Variants in VPS13C observed in about 807,000 individuals in gnomAD.
VPS13C encodes intermembrane lipid transfer protein VPS13C.
Under a neutral mutation model 456.8 loss-of-function variants are expected in VPS13C, and 358 were observed. That is an observed-to-expected ratio of 0.78 (90% confidence interval 0.72 to 0.86). The LOEUF is 0.86. Among genes scored for constraint, VPS13C ranks in the 40% least tolerant of loss-of-function variants. The probability of loss-of-function intolerance (pLI) is 0.00; values close to 1 mark genes in which losing one functional copy is unlikely to be tolerated. For missense variants in VPS13C, 4,818 were observed against 4,385.4 expected (o/e 1.10, Z -2.79); for synonymous variants, 1,578 against 1,486.7 (o/e 1.06, Z -1.41).
chr15:61,918,877 G>C (rs1031684995), intron 58 of VPS13C, among the ~76,000 whole-genome samples: 8 of 152,084 alleles, frequency 5.3e-5, no homozygotes, highest in African/African-American at 1.9e-4. Flanking sequence ...ATGTTTTTCA[G>C]AGGGATAGAT....
At chr15:61,952,054 G>A (rs1205834769) in intron 38 of VPS13C, 74 bp from the exon 39 acceptor site, 4 of 1,493,596 alleles carry the variant, frequency 2.7e-6, no homozygotes, top group Non-Finnish European at 3.6e-6. Flanking sequence ...AATTTAATAA[G>A]TATCCAGAGT....
intron 66 of VPS13C, chr15:61,906,665 A>C (rs750043006): frequency 6.5e-6 from 1 of 153,156 alleles, no homozygotes; most frequent in Admixed American, 6.5e-5. Flanking sequence ...CATGGATTTT[A>C]TTCATACAGA....
At position 61,854,523 on chromosome 15, in the gene VPS13C, C is replaced by A. The variant is rs764071837; in HGVS notation, c.11196G>T (p.Thr3732=). Residue 3732 remains threonine (T), a synonymous_variant, in exon 85 of 85, where the codon ACG becomes ACT. Transcript: ENST00000644861. ...GCTTCATCAATTTTTGCTGCTGTCT[C>A]GTTGACTGTGCATCCTCAATGGCAT... The part of the protein sequence containing the change: ...ACNAIEDAQS[T]RQQQKLMKQS... 6.2e-7 allele frequency: 1 copy of A among 1,613,954 alleles called. No individual in the cohort carries two copies. The highest frequency in any genetic ancestry group is 1.3e-5 in the African/African-American group (1 of 74,894).
intron 22 of VPS13C, among the ~76,000 whole-genome samples, chr15:61,980,248 C>T (rs2045841346): frequency 6.9e-6 from 1 of 144,756 alleles, no homozygotes; most frequent in African/African-American, 2.5e-5. Context: ...TTCCCAGTAC[C>T]ATCTTAAGGA....
chr15:61,905,761 AGCT>A (rs962645635), intron 66 of VPS13C, among the ~76,000 whole-genome samples: 7 of 152,202 alleles, frequency 4.6e-5, no homozygotes, highest in African/African-American at 1.7e-4. Flanking sequence ...ACTAATTGAT[AGCT>A]TTTTTAAAAA....
At position 61,945,886 on chromosome 15, in the gene VPS13C, A is replaced by T. The variant is rs756146732; in HGVS notation, c.4981-4T>A. 1.3e-6 allele frequency: 2 copies of T among 1,598,824 alleles called. No homozygotes were observed. The highest frequency in any genetic ancestry group is 2.2e-5 in the East Asian group (1 of 44,730). On this transcript the variant is annotated splice_polypyrimidine_tract_variant and splice_region_variant and intron_variant, in intron 44 of 84. Coordinates refer to ENST00000644861, the MANE Select transcript of VPS13C (RefSeq NM_020821.3). ...CATCTCCCAAAATAGAGACAGCCTA[A>T]AAGTATTAGATTAACTGGTTATTAT...
chr15:62,043,592 T>G (rs2140727587), intron 2 of VPS13C, among the ~76,000 whole-genome samples: 1 of 152,108 alleles, frequency 6.6e-6, no homozygotes, highest in Non-Finnish European at 1.5e-5. Flanking sequence ...GGCAACAGAG[T>G]GAGACTGTAT....
chr15:61,988,586 C>G (rs796208471), intron 18 of VPS13C, among the ~76,000 whole-genome samples: 22 of 152,182 alleles, frequency 1.4e-4, no homozygotes, highest in African/African-American at 4.8e-4. Context: ...AGAAACTGAA[C>G]AGCTGATTCT....
Position 61,890,395 on chromosome 15 carries a change from T to C in VPS13C, c.9111A>G (p.Gly3037=), listed in dbSNP as rs1370332605. ...NVGEHDLLKD[G]CGQFPYDANI... is the part of the protein sequence containing the mutation. The stretch of plus-strand genomic sequence containing the variant: ...TTGCATCATATGGAAACTGTCCACA[T>C]CCATCCTGGGAAGAAGAAAGACTTC... Residue 3037 remains glycine, a synonymous_variant, in exon 67 of 85, where the codon GGA becomes GGG. Coordinates refer to ENST00000644861, the MANE Select transcript of VPS13C (RefSeq NM_020821.3). 1 of 1,613,568 alleles carries C rather than the reference T, an allele frequency of 6.2e-7. No homozygotes were observed. Among genetic ancestry groups the C allele is most frequent in the Non-Finnish European group, 8.5e-7 (1 of 1,179,726 alleles).
At chr15:61,972,464 G>C (rs1417178646) in intron 27 of VPS13C, among the ~76,000 whole-genome samples, 161 bp downstream of exon 27, 1 of 152,088 alleles carries the variant, frequency 6.6e-6, no homozygotes, top group African/African-American at 2.4e-5. Flanking sequence ...GTGTGAGAGA[G>C]AAAGAGTGTG....
chr15:61,965,087 T>A (rs1198566391), intron 30 of VPS13C, among the ~76,000 whole-genome samples: 1 of 151,926 alleles, frequency 6.6e-6, no homozygotes, highest in African/African-American at 2.4e-5. Flanking sequence ...GTAACCTAAT[T>A]ACTCCATTTC....
intron 18 of VPS13C, among the ~76,000 whole-genome samples, chr15:61,990,288 TC>T (rs1344451284): frequency 6.6e-6 from 1 of 152,144 alleles, no homozygotes; most frequent in East Asian, 1.9e-4. Flanking sequence ...TCTAGGGACT[TC>T]TAAGGTGACA....
At chr15:62,013,517 A>G (rs1260023361) in intron 10 of VPS13C, among the ~76,000 whole-genome samples, 1 of 151,994 alleles carries the variant, frequency 6.6e-6, no homozygotes, top group East Asian at 1.9e-4. Flanking sequence ...GGAAAGCTAC[A>G]TACTAAATAG....
chr15:61,911,488 C>T (rs2043300207), intron 63 of VPS13C, among the ~76,000 whole-genome samples: 2 of 152,130 alleles, frequency 1.3e-5, no homozygotes, highest in Admixed American at 1.3e-4. Flanking sequence ...CACATGCAGA[C>T]TTTTATGACT....
rs1046167624 is a variant in VPS13C at position 61,907,382 on chromosome 15, G to C, written c.8987C>G (p.Pro2996Arg). 1 of 1,613,686 alleles carries C rather than the reference G, an allele frequency of 6.2e-7. No individual in the cohort carries two copies. The highest frequency in any genetic ancestry group is 1.3e-5 in the African/African-American group (1 of 75,012). Residue 2996 changes from proline (P) to arginine (R), a missense_variant, in exon 66 of 85, where the codon CCA (proline) becomes CGA (arginine). By Grantham distance (103) the Pro-to-Arg change is moderately radical (BLOSUM62 -2). Transcript: ENST00000644861. ...TCTTGGCAGCAAGACCATTTCTTCT[G>C]GTGACCCACTAAAACACAATGAACA... ...DILTYKQSGS[P>R]EEMVLLPRQA...
Position 61,917,336 on chromosome 15 carries a change from C to G in VPS13C, c.8055+5G>C. ...CAAAAATCAAACAAAATGCAAGAGA[C>G]ATACCTCAAGTAAATATCTTAGGGA... On this transcript the variant is annotated splice_donor_5th_base_variant and intron_variant, in intron 60 of 84. Coordinates refer to ENST00000644861, the MANE Select transcript of VPS13C (RefSeq NM_020821.3). 1 of 1,609,930 alleles carries G rather than the reference C, an allele frequency of 6.2e-7. No individual in the cohort carries two copies. Among genetic ancestry groups the G allele is most frequent in the Non-Finnish European group, 8.5e-7 (1 of 1,176,908 alleles).
In VPS13C at chr15:61,931,271, T is replaced by G; in HGVS notation, c.5869-12A>C. 6.2e-7 allele frequency: 1 copy of G among 1,601,918 alleles called. No individual in the cohort carries two copies. The highest frequency in any genetic ancestry group is 8.5e-7 in the Non-Finnish European group (1 of 1,175,502). On this transcript the variant is annotated splice_polypyrimidine_tract_variant and intron_variant, in intron 49 of 84. Transcript: ENST00000644861. The stretch of plus-strand genomic sequence containing the variant: ...GCAACTCCAGATTCCTATGGTACAT[T>G]TTTCAAGCAAAAGAATCAATTACCT...
rs770094876 is a variant in VPS13C, at chr15:61,917,466, G to A, written c.7930C>T (p.Leu2644=). Residue 2644 remains leucine (L), a synonymous_variant, in exon 60 of 85, where the codon CTG becomes TTG. Coordinates refer to ENST00000644861, the MANE Select transcript of VPS13C (RefSeq NM_020821.3). ...FLPLIVNTVA[L]PDELSYICTH... ...CATATGTAGCTCAATTCATCAGGCA[G>A]AGCAACTGTATTCACTATGAGAGGT... 1 of 1,614,032 alleles carries A rather than the reference G, an allele frequency of 6.2e-7. No individual in the cohort carries two copies.
At chr15:61,973,919 T>C (rs529127785) in intron 25 of VPS13C, among the ~76,000 whole-genome samples, 3 of 152,188 alleles carry the variant, frequency 2.0e-5, no homozygotes, top group African/African-American at 7.2e-5. Flanking sequence ...AAATCCAACA[T>C]TTCTACTGTG....
Sources: allele counts gnomAD v4.1 joint callset (sites outside exome capture counted in the v4.1 genomes callset), GRCh38; gene constraint gnomAD v4.1.1; transcripts MANE v1.5; gene names NCBI Gene and HGNC (gene_info 2026-07-23, HGNC 2026-07-21).